Variants in XIST observed in about 807,000 individuals in gnomAD.
XIST encodes X inactive specific transcript (non-protein coding).
chrX:73,827,705 A>G, exon 6 of XIST: 1 of 548,746 alleles, frequency 1.8e-6, no homozygotes, highest in East Asian at 3.3e-5. Context: ...ACAGAACAAG[A>G]AAAGGACAAA....
chrX:73,831,062 G>C, intron 4 of XIST: 1 of 556,979 alleles, frequency 1.8e-6, no homozygotes, highest in Non-Finnish European at 3.2e-6. Flanking sequence ...GACAGCTTAC[G>C]CACCTTGACG....
Position 73,821,084 on chromosome X carries a change from TC to T in XIST, n.18816del, listed in dbSNP as rs777938107. 5 of 556,803 alleles carry T rather than the reference TC, an allele frequency of 9.0e-6. No homozygotes were observed. In the African/African-American group the frequency reaches 1.1e-4, roughly 12 times the overall value. 45.9% of individuals were successfully genotyped at this position (556,803 alleles called of 1,213,427 possible). ...TTCTTTCCATTTTCCAATAATCCAT[TC>T]CCCATCCCCAGCTGAAGAAAGGGGT... On this transcript the variant is annotated non_coding_transcript_exon_variant, in exon 6 of 6. Coordinates refer to ENST00000429829, the Ensembl canonical transcript of XIST.
At chrX:73,846,215 C>T (rs780572946) in exon 1 of XIST, 2 of 559,085 alleles carry the variant, frequency 3.6e-6, no homozygotes, top group Non-Finnish European at 6.5e-6. Flanking sequence ...AGCACCCCTG[C>T]TGTACTGCAA....
At chrX:73,823,152 T>C in exon 6 of XIST, 1 of 554,949 alleles carries the variant, frequency 1.8e-6, no homozygotes, top group Non-Finnish European at 3.2e-6. Context: ...TTAACTGTAA[T>C]AAAAGCAGAA....
chrX:73,851,375 C>A (rs1240873615), exon 1 of XIST: 1 of 557,639 alleles, frequency 1.8e-6, no homozygotes, highest in Non-Finnish European at 3.2e-6. Context: ...GACCTTCAGC[C>A]GCCATCTTTT....
At chrX:73,845,277 A>G (rs1374942875) in exon 1 of XIST, 1 of 551,450 alleles carries the variant, frequency 1.8e-6, no homozygotes, top group Non-Finnish European at 3.3e-6. Flanking sequence ...ACTGGAACAA[A>G]TATAATCACA....
At chrX:73,823,589 G>C in exon 6 of XIST, 1 of 558,103 alleles carries the variant, frequency 1.8e-6, no homozygotes, top group Non-Finnish European at 3.2e-6. Flanking sequence ...CTTTACTTCT[G>C]TAGGCCAGGT....
At chrX:73,826,307 A>G in exon 6 of XIST, 3 of 559,067 alleles carry the variant, frequency 5.4e-6, no homozygotes, top group Non-Finnish European at 9.7e-6. Flanking sequence ...GGGTCAAAAG[A>G]AAGGACTGAA....
exon 6 of XIST, chrX:73,824,054 T>G (rs1451291177): frequency 1.8e-6 from 1 of 553,360 alleles, no homozygotes; most frequent in African/African-American, 2.2e-5. Context: ...AGTTGTTATC[T>G]CTAAGGATAA....
At chrX:73,821,595 C>T (rs1922117383) in exon 6 of XIST, 1 of 557,335 alleles carries the variant, frequency 1.8e-6, no homozygotes, top group Admixed American at 2.2e-5. Flanking sequence ...CAATTTAAAC[C>T]TGGAGCTGGT....
chrX:73,842,344 T>C (rs1922614528), exon 1 of XIST: 1 of 553,803 alleles, frequency 1.8e-6, no homozygotes, highest in Non-Finnish European at 3.3e-6. Context: ...AATTTTATAG[T>C]GTACACTGGA....
At chrX:73,831,534 A>C (rs1013747633) in intron 3 of XIST, 18 of 243,268 alleles carry the variant, frequency 7.4e-5, no homozygotes, top group Non-Finnish European at 1.2e-4. Flanking sequence ...AGTAATTGCC[A>C]ATATTCCCAT....
exon 6 of XIST, chrX:73,820,750 G>A: frequency 1.8e-6 from 1 of 556,975 alleles, no homozygotes; most frequent in Non-Finnish European, 3.2e-6. Context: ...CTTTCTGGTG[G>A]TCACCCATGC....
At chrX:73,831,890 C>T (rs1326501373) in intron 3 of XIST, among the ~76,000 whole-genome samples, 1 of 112,270 alleles carries the variant, frequency 8.9e-6, no homozygotes, top group East Asian at 2.8e-4. Flanking sequence ...TTAAGTAGTG[C>T]CATGCCATAA....
exon 1 of XIST, chrX:73,846,671 T>A (rs775709884): frequency 1.8e-6 from 1 of 558,510 alleles, no homozygotes; most frequent in African/African-American, 2.2e-5. Flanking sequence ...AAGGGAAAAG[T>A]GGGGATGAGG....
chrX:73,852,162 A>T (rs1275177592), exon 1 of XIST: 7 of 534,142 alleles, frequency 1.3e-5, no homozygotes, highest in Non-Finnish European at 2.3e-5. Context: ...GAAAATTTTT[A>T]AAAAGCAGAT....
At chrX:73,821,827 G>A (rs1922126177) in exon 6 of XIST, 1 of 534,502 alleles carries the variant, frequency 1.9e-6, no homozygotes, top group East Asian at 3.3e-5. Context: ...CTTAAGCATG[G>A]TAAAATGTTA....
At chrX:73,826,749 G>A (rs183234357) in exon 6 of XIST, 114 of 556,513 alleles carry the variant, frequency 2.0e-4, no homozygotes, top group African/African-American at 2.0e-3. Flanking sequence ...TTTTTCGCTT[G>A]GGTCCTCTAT....
Position 73,834,519 on chromosome X carries a change from A to G in XIST, n.11407-1145T>C, listed in dbSNP as rs796387743. Reference sequence around the variant, plus strand: ...GGTTACATTTTGGAACTGATACAGAACCATACATTTCACTAGGGTTCAATA... The same window carrying G: ...GGTTACATTTTGGAACTGATACAGAGCCATACATTTCACTAGGGTTCAATA... On this transcript the variant is annotated intron_variant and non_coding_transcript_variant, in intron 2 of 5. Transcript: ENST00000429829. Among the ~76,000 whole-genome samples the G allele has an allele frequency of 2.7e-5, 3 of 112,425 alleles. No individual in the cohort carries two copies. In the South Asian group the frequency reaches 1.1e-3, roughly 42 times the overall value.
Sources: gnomAD v4.1 joint callset for allele counts (sites outside exome capture counted in the v4.1 genomes callset) on GRCh38, gnomAD v4.1.1 for gene constraint, MANE v1.5 for transcripts, NCBI Gene and HGNC (gene_info 2026-07-23, HGNC 2026-07-21) for gene names.